NRP1: variants seen among roughly 807,000 people sequenced by gnomAD.
NRP1 encodes neuropilin-1.
Under a neutral mutation model 106.7 loss-of-function variants are expected in NRP1, and 35 were observed. The observed-to-expected ratio is 0.33, with a 90% CI of 0.25 to 0.43. The LOEUF (loss-of-function observed/expected upper bound fraction) is 0.43. NRP1 is among the 20% of genes least tolerant of loss of function. The pLI, the probability that NRP1 is intolerant of heterozygous loss-of-function variation, is 1.00. For missense variants in NRP1, 1,024 were observed against 1,170.4 expected, an observed-to-expected ratio of 0.87 and a Z score of 1.83; for synonymous variants, 437 against 417.9, an observed-to-expected ratio of 1.05 and a Z score of -0.56.
At position 33,177,753 on chromosome 10, in the gene NRP1, A is replaced by G. The variant is rs1161648984; in HGVS notation, c.*2323T>C. ...ATGGTACAAAACATGAAGCAATAAT[A>G]TACCAGTAAAATGAAAACATTTTAC... On this transcript the variant is annotated 3_prime_UTR_variant, in exon 17 of 17. Coordinates refer to ENST00000374867, the MANE Select transcript of NRP1 (RefSeq NM_003873.7). 1.3e-5 allele frequency: 2 copies of G among 152,678 alleles called. No individual in the cohort carries two copies. The highest frequency in any genetic ancestry group is 2.1e-4 in the South Asian group (1 of 4,826). 9.5% of individuals were successfully genotyped at this position (152,678 alleles called of 1,614,324 possible).
Position 33,254,200 on chromosome 10 carries a change from G to A in NRP1, c.815-6C>T. The stretch of plus-strand genomic sequence containing the variant: ...AGCTTCCATACATTTGAAATCTGAA[G>A]GGAAAAACAGGGCCCACAGTCATCA... On this transcript the variant is annotated splice_region_variant and splice_polypyrimidine_tract_variant and intron_variant, in intron 5 of 16. Transcript: ENST00000374867. The A allele has an allele frequency of 6.2e-7, 1 of 1,604,280 alleles. No homozygotes were observed.
chr10:33,326,286 T>C, intron 2 of NRP1, among the ~76,000 whole-genome samples: 1 of 152,304 alleles, frequency 6.6e-6, no homozygotes, highest in African/African-American at 2.4e-5. Flanking sequence ...AAGAAAACTT[T>C]AGTGGAGTAA....
chr10:33,201,544 ACT>A (rs1487552293), intron 11 of NRP1: 1 of 152,096 alleles, frequency 6.6e-6, no homozygotes, highest in Non-Finnish European at 1.5e-5. Context: ...ATGGAATAGT[ACT>A]CTGTTTTTTA....
chr10:33,329,236 G>A (rs1044652560), intron 2 of NRP1, among the ~76,000 whole-genome samples: 1 of 152,100 alleles, frequency 6.6e-6, no homozygotes, highest in African/African-American at 2.4e-5. Context: ...TCAATATAAT[G>A]CCCTGAGGCA....
At chr10:33,199,556 T>C (rs1055682948) in intron 11 of NRP1, among the ~76,000 whole-genome samples, 8 of 151,542 alleles carry the variant, frequency 5.3e-5, no homozygotes, top group African/African-American at 1.5e-4. Flanking sequence ...ATCTGTATTT[T>C]TGAAAGCTTT....
chr10:33,194,604 G>GT, intron 12 of NRP1: 1 of 427,924 alleles, frequency 2.3e-6, no homozygotes, highest in Non-Finnish European at 4.9e-6. Flanking sequence ...TCCCCATCCT[G>GT]TACATTTAAC....
At chr10:33,200,251 A>C (rs1424222527) in intron 11 of NRP1, among the ~76,000 whole-genome samples, 1 of 152,210 alleles carries the variant, frequency 6.6e-6, no homozygotes, top group African/African-American at 2.4e-5. Context: ...GGTTGGGTAC[A>C]CACAGCTCCA....
intron 13 of NRP1, 77 bp downstream of exon 13, chr10:33,192,204 G>T: frequency 6.6e-7 from 1 of 1,509,876 alleles, no homozygotes; most frequent in Non-Finnish European, 9.0e-7. Context: ...ACAGACATTA[G>T]AAACCCTCCC....
chr10:33,191,066 C>G (rs537236951), intron 13 of NRP1, among the ~76,000 whole-genome samples: 1 of 152,076 alleles, frequency 6.6e-6, no homozygotes, highest in Non-Finnish European at 1.5e-5. Context: ...CTATGTTGCC[C>G]AGGCTGGTCT....
At position 33,263,628 on chromosome 10, in the gene NRP1, G is replaced by A. The variant is rs1467540428; in HGVS notation, c.658+18C>T. On this transcript the variant is annotated intron_variant, in intron 4 of 16. Transcript: ENST00000374867. ...CTCCAGAACCTTCCCTTTTTGGGGT[G>A]CTTCCTGTCATTCTTACCATCAGGG... 6.3e-7 allele frequency: 1 copy of A among 1,587,646 alleles called. No homozygotes were observed. Among genetic ancestry groups the A allele is most frequent in the South Asian group, 1.1e-5 (1 of 90,220 alleles).
intron 2 of NRP1, among the ~76,000 whole-genome samples, chr10:33,290,812 T>C (rs1274849355): frequency 2.0e-5 from 3 of 152,168 alleles, no homozygotes; most frequent in Non-Finnish European, 4.4e-5. Context: ...CAGAAAAGAT[T>C]GCAATAACCC....
chr10:33,312,018 T>C (rs1023540514), intron 2 of NRP1, among the ~76,000 whole-genome samples: 5 of 152,202 alleles, frequency 3.3e-5, no homozygotes, highest in African/African-American at 4.8e-5. Flanking sequence ...TGAATAACTT[T>C]AGAAGTTAGT....
intron 3 of NRP1, among the ~76,000 whole-genome samples, chr10:33,267,599 G>T (rs1049363794): frequency 6.8e-6 from 1 of 146,486 alleles, no homozygotes; most frequent in Admixed American, 6.8e-5. Context: ...CCCGTCCCCC[G>T]TCCCCCTTGC....
intron 2 of NRP1, among the ~76,000 whole-genome samples, chr10:33,298,356 T>A (rs1845561512): frequency 6.6e-6 from 1 of 152,176 alleles, no homozygotes; most frequent in South Asian, 2.1e-4. Flanking sequence ...CTCACCCTCC[T>A]GTTCTGGCGC....
chr10:33,252,320 A>G (rs1339661639), intron 6 of NRP1, among the ~76,000 whole-genome samples: 3 of 152,166 alleles, frequency 2.0e-5, no homozygotes, highest in Admixed American at 1.3e-4. Flanking sequence ...CCAAGGCAAG[A>G]AACCCTGGGA....
chr10:33,213,312 C>T (rs2070303), intron 9 of NRP1, 74 bp downstream of exon 9: 222,583 of 1,613,886 alleles, frequency 0.14, 19,713 homozygotes, highest in East Asian at 0.51. Flanking sequence ...AGCCCTTCCT[C>T]GGGAGAATGC....
intron 2 of NRP1, among the ~76,000 whole-genome samples, chr10:33,290,545 G>A (rs559470818): frequency 2.0e-5 from 3 of 152,112 alleles, no homozygotes; most frequent in African/African-American, 7.2e-5. Context: ...ACTTGAACAC[G>A]CCACTTTTAA....
intron 11 of NRP1, chr10:33,202,357 T>G: frequency 1.0e-5 from 3 of 286,136 alleles, no homozygotes; most frequent in Non-Finnish European, 1.3e-5. Context: ...TGCTGGTCGG[T>G]GGTGATGTGA....
intron 6 of NRP1, chr10:33,249,479 G>C (rs760231692): frequency 9.4e-6 from 5 of 530,272 alleles, no homozygotes; most frequent in Admixed American, 5.9e-5. Context: ...TAATGGCCTG[G>C]GTTCTAATGA....
Sources: allele counts gnomAD v4.1 joint callset (sites outside exome capture counted in the v4.1 genomes callset), GRCh38; gene constraint gnomAD v4.1.1; transcripts MANE v1.5; gene names NCBI Gene and HGNC (gene_info 2026-07-23, HGNC 2026-07-21).